Variants in PEBP4 observed in about 807,000 individuals in gnomAD.
PEBP4 encodes phosphatidylethanolamine binding protein 4.
PEBP4 carries 22 observed loss-of-function variants against 23.9 expected under a neutral mutation model. The ratio of observed to expected loss-of-function variants is 0.92; its 90% CI spans 0.66 to 1.31. The LOEUF is 1.31. Among genes scored for constraint, PEBP4 ranks in the 40% most tolerant of loss-of-function variants. The probability of loss-of-function intolerance (pLI) is 0.00; values close to 1 mark genes in which losing one functional copy is unlikely to be tolerated. For missense variants in PEBP4, 324 were observed against 281.7 expected, an observed-to-expected ratio of 1.15 and a Z score of -1.07; for synonymous variants, 112 against 99.3, an observed-to-expected ratio of 1.13 and a Z score of -0.76.
At chr8:22,743,296 C>A (rs1805038818) in intron 4 of PEBP4, among the ~76,000 whole-genome samples, 1 of 150,904 alleles carries the variant, frequency 6.6e-6, no homozygotes, top group Admixed American at 6.6e-5. Flanking sequence ...AGCAGAGCTC[C>A]CTTTGGGGGA....
intron 4 of PEBP4, among the ~76,000 whole-genome samples, chr8:22,766,490 G>A (rs1420327137): frequency 1.3e-5 from 2 of 152,206 alleles, no homozygotes; most frequent in Admixed American, 6.5e-5. Flanking sequence ...ATTTCTGAAG[G>A]GGCATTCTTC....
At chr8:22,895,196 T>C (rs1326623931) in intron 3 of PEBP4, among the ~76,000 whole-genome samples, 1 of 152,228 alleles carries the variant, frequency 6.6e-6, no homozygotes, top group Non-Finnish European at 1.5e-5. Flanking sequence ...CTGGATCATC[T>C]GGGTATGGTT....
At chr8:22,888,893 T>C (rs1808438839) in intron 3 of PEBP4, among the ~76,000 whole-genome samples, 1 of 152,230 alleles carries the variant, frequency 6.6e-6, no homozygotes, top group African/African-American at 2.4e-5. Flanking sequence ...ATCTCTCCGC[T>C]TTCCTGGCTA....
intron 2 of PEBP4, chr8:22,924,558 A>G (rs192418463): frequency 3.1e-6 from 2 of 650,490 alleles, no homozygotes; most frequent in African/African-American, 4.0e-5. Context: ...CCGCACTACA[A>G]CAGGTAGGGT....
intron 3 of PEBP4, among the ~76,000 whole-genome samples, chr8:22,825,199 G>A (rs1487278067): frequency 6.6e-6 from 1 of 152,210 alleles, no homozygotes; most frequent in Non-Finnish European, 1.5e-5. Context: ...AAAGAAAGTG[G>A]AAAACAACCT....
chr8:22,933,834 A>G (rs531946991), intron 1 of PEBP4, among the ~76,000 whole-genome samples: 3 of 152,336 alleles, frequency 2.0e-5, no homozygotes, highest in African/African-American at 7.2e-5. Context: ...GTCTTAGTCC[A>G]TTTAGTGCTG....
At chr8:22,740,570 C>A (rs1023296419) in intron 4 of PEBP4, among the ~76,000 whole-genome samples, 1 of 152,208 alleles carries the variant, frequency 6.6e-6, no homozygotes, top group Non-Finnish European at 1.5e-5. Flanking sequence ...CCCAATTCCC[C>A]TGGGGTCTCT....
At chr8:22,832,619 G>T (rs1038693389) in intron 3 of PEBP4, among the ~76,000 whole-genome samples, 1 of 152,172 alleles carries the variant, frequency 6.6e-6, no homozygotes, top group African/African-American at 2.4e-5. Flanking sequence ...GGGAGTCTTT[G>T]CGTGTCTGCC....
At chr8:22,893,517 T>C (rs1457952580) in intron 3 of PEBP4, among the ~76,000 whole-genome samples, 1 of 152,072 alleles carries the variant, frequency 6.6e-6, no homozygotes, top group Non-Finnish European at 1.5e-5. Context: ...AGTACACAAA[T>C]ATATTAAAAC....
chr8:22,788,768 G>A (rs1475162339), intron 4 of PEBP4, among the ~76,000 whole-genome samples: 1 of 152,212 alleles, frequency 6.6e-6, no homozygotes, highest in African/African-American at 2.4e-5. Context: ...CTTTGAATAT[G>A]CAAAACCTTT....
At chr8:22,769,347 T>A (rs977080159) in intron 4 of PEBP4, among the ~76,000 whole-genome samples, 1 of 152,232 alleles carries the variant, frequency 6.6e-6, no homozygotes, top group Non-Finnish European at 1.5e-5. Context: ...AGTCTCTGTT[T>A]TGAAGGCTCC....
chr8:22,827,075 C>A (rs571155232), intron 3 of PEBP4, among the ~76,000 whole-genome samples: 53 of 152,236 alleles, frequency 3.5e-4, no homozygotes, highest in African/African-American at 1.2e-3. Context: ...TGGGGAAGTG[C>A]AACTGCTGGA....
intron 6 of PEBP4, 70 bp from the exon 7 acceptor site, chr8:22,713,606 G>A: frequency 6.2e-7 from 1 of 1,604,384 alleles, no homozygotes; most frequent in South Asian, 1.1e-5. Flanking sequence ...GCAGGGGCCT[G>A]AGAGGGAGGC....
At chr8:22,830,063 C>A (rs534216805) in intron 3 of PEBP4, among the ~76,000 whole-genome samples, 1 of 151,834 alleles carries the variant, frequency 6.6e-6, no homozygotes, top group Non-Finnish European at 1.5e-5. Flanking sequence ...CCATCCTATT[C>A]TTCTTCCTCA....
At chr8:22,920,791 C>A (rs1188244916) in intron 2 of PEBP4, among the ~76,000 whole-genome samples, 1 of 152,218 alleles carries the variant, frequency 6.6e-6, no homozygotes, top group Non-Finnish European at 1.5e-5. Context: ...CTTCTCTCTC[C>A]CCTAAACAAT....
intron 4 of PEBP4, among the ~76,000 whole-genome samples, chr8:22,795,365 CG>C (rs1400736389): frequency 6.6e-6 from 1 of 151,064 alleles, no homozygotes; most frequent in African/African-American, 2.4e-5. Context: ...TTAGTAGAGA[CG>C]GGGTTTCACC....
At chr8:22,911,953 T>C (rs778494229) in intron 3 of PEBP4, among the ~76,000 whole-genome samples, 1 of 152,158 alleles carries the variant, frequency 6.6e-6, no homozygotes. Flanking sequence ...TCAGTGGATG[T>C]CAGCGGCCCA....
At chr8:22,773,810 G>A (rs185188840) in intron 4 of PEBP4, among the ~76,000 whole-genome samples, 38 of 152,230 alleles carry the variant, frequency 2.5e-4, no homozygotes, top group African/African-American at 8.4e-4. Context: ...TGTTCCAACC[G>A]TGGGGGTCCT....
At chr8:22,836,471 A>G (rs909969290) in intron 3 of PEBP4, among the ~76,000 whole-genome samples, 5 of 152,252 alleles carry the variant, frequency 3.3e-5, no homozygotes, top group African/African-American at 1.2e-4. Context: ...CTACAAACAT[A>G]TACTTGTTGG....
Sources: allele counts gnomAD v4.1 joint callset (sites outside exome capture counted in the v4.1 genomes callset), GRCh38; gene constraint gnomAD v4.1.1; transcripts MANE v1.5; gene names NCBI Gene and HGNC (gene_info 2026-07-23, HGNC 2026-07-21).